NFIL3: variants seen among roughly 807,000 people sequenced by gnomAD.
NFIL3 encodes the protein nuclear factor, interleukin 3 regulated.
NFIL3 carries 5 observed loss-of-function variants against 10.0 expected under a neutral mutation model. The ratio of observed to expected loss-of-function variants is 0.50; its 90% CI spans 0.26 to 1.06. The LOEUF is 1.06. Among genes scored for constraint, NFIL3 ranks in the 50% least tolerant of loss-of-function variants. The pLI is 0.13. For missense variants in NFIL3, 436 were observed against 547.6 expected, an observed-to-expected ratio of 0.80 and a Z score of 2.03; for synonymous variants, 202 against 206.5, an observed-to-expected ratio of 0.98 and a Z score of 0.19.
chr9:91,466,723 G>A, the NFIL3 span, among the ~76,000 whole-genome samples: 1 of 152,148 alleles, frequency 6.6e-6, no homozygotes, highest in African/African-American at 2.4e-5. Context: ...GCAGAAGTAT[G>A]ACATTGTTAT....
the NFIL3 span, among the ~76,000 whole-genome samples, chr9:91,466,821 T>C: frequency 5.9e-5 from 9 of 152,186 alleles, no homozygotes; most frequent in Admixed American, 3.3e-4. Context: ...GTTAATGTTA[T>C]GCGTCAACTT....
At chr9:91,472,321 C>G in the NFIL3 span, among the ~76,000 whole-genome samples, 4 of 152,166 alleles carry the variant, frequency 2.6e-5, no homozygotes, top group Non-Finnish European at 5.9e-5. Context: ...TTCCATTCTC[C>G]CCATCACTTT....
chr9:91,450,659 A>G, the NFIL3 span, among the ~76,000 whole-genome samples: 1 of 152,108 alleles, frequency 6.6e-6, no homozygotes, highest in Non-Finnish European at 1.5e-5. Flanking sequence ...ATGTGCACTT[A>G]AGAAGAATGT....
chr9:91,448,349 C>T, the NFIL3 span, among the ~76,000 whole-genome samples: 4 of 152,104 alleles, frequency 2.6e-5, no homozygotes, highest in East Asian at 5.8e-4. Flanking sequence ...CCATCCATGA[C>T]AGAAAGCAGA....
At chr9:91,422,199 G>A (rs1057118740) in intron 1 of NFIL3, among the ~76,000 whole-genome samples, 4 of 152,186 alleles carry the variant, frequency 2.6e-5, no homozygotes, top group African/African-American at 9.7e-5. Context: ...ACCGGGCGCT[G>A]CGAAATGCCT....
chr9:91,462,739 C>A, the NFIL3 span, among the ~76,000 whole-genome samples: 1 of 142,484 alleles, frequency 7.0e-6, no homozygotes, highest in African/African-American at 2.6e-5. Flanking sequence ...CTCTGTGCTT[C>A]TATTTTCTGG....
At chr9:91,413,480 A>C (rs1344628366) in intron 1 of NFIL3, among the ~76,000 whole-genome samples, 1 of 152,086 alleles carries the variant, frequency 6.6e-6, no homozygotes, top group Non-Finnish European at 1.5e-5. Context: ...TGAACTCCTG[A>C]TCTCAGGTGA....
chr9:91,419,174 T>A (rs1474958742), intron 1 of NFIL3, among the ~76,000 whole-genome samples: 1 of 152,214 alleles, frequency 6.6e-6, no homozygotes, highest in African/African-American at 2.4e-5. Flanking sequence ...GAATCCCAAG[T>A]GTGCTCTCAT....
At chr9:91,459,004 A>G in the NFIL3 span, among the ~76,000 whole-genome samples, 2 of 152,202 alleles carry the variant, frequency 1.3e-5, no homozygotes, top group East Asian at 3.8e-4. Flanking sequence ...CCTTATTTGC[A>G]TAAGGTGCGA....
chr9:91,452,086 G>A, the NFIL3 span, among the ~76,000 whole-genome samples: 2 of 152,244 alleles, frequency 1.3e-5, no homozygotes, highest in African/African-American at 4.8e-5. Context: ...GGCTGTGATG[G>A]GAAGGGTTGT....
chr9:91,439,864 C>T, the NFIL3 span, among the ~76,000 whole-genome samples: 11 of 152,076 alleles, frequency 7.2e-5, no homozygotes, highest in African/African-American at 2.4e-4. Flanking sequence ...AAATAAATCT[C>T]ACTTGGTCAT....
intron 1 of NFIL3, among the ~76,000 whole-genome samples, chr9:91,413,559 T>C (rs1420664900): frequency 2.0e-5 from 3 of 152,132 alleles, no homozygotes; most frequent in Non-Finnish European, 4.4e-5. Flanking sequence ...CCAACAATAC[T>C]ATTTCCTCTA....
In NFIL3 at chr9:91,409,551, G is replaced by A. The variant is rs747568975; in HGVS notation, c.1184C>T (p.Ser395Leu). 15 of 1,613,860 alleles carry A rather than the reference G, an allele frequency of 9.3e-6. No homozygotes were observed. The highest frequency in any genetic ancestry group is 6.6e-5 in the South Asian group (6 of 91,050). The change falls in exon 2 of 2, where the codon TCG becomes TTG. Residue 395 changes from serine to leucine, a missense_variant. Physicochemically the swap from Ser to Leu is moderately radical, Grantham distance 145 (BLOSUM62 -2). Transcript: ENST00000297689. The stretch of plus-strand genomic sequence containing the variant: ...CAGTTCTTTTTGATGCCAGTGCTCC[G>A]ATTTGAGAGACCAATCTTGAATGTT... Reference protein sequence around the residue: ...VTNIQDWSLKSEHWHQKELSG... With the variant: ...VTNIQDWSLKLEHWHQKELSG...
the NFIL3 span, among the ~76,000 whole-genome samples, chr9:91,476,435 T>C: frequency 1.3e-5 from 2 of 152,090 alleles, no homozygotes; most frequent in African/African-American, 4.8e-5. Flanking sequence ...TAGCTGGGTG[T>C]GGTGGCACGC....
chr9:91,456,961 C>T, the NFIL3 span, among the ~76,000 whole-genome samples: 30 of 151,928 alleles, frequency 2.0e-4, no homozygotes, highest in African/African-American at 7.0e-4. Context: ...ATCCAAGTGT[C>T]CCAGCACTGT....
the NFIL3 span, among the ~76,000 whole-genome samples, chr9:91,468,909 G>A: frequency 6.6e-6 from 1 of 152,046 alleles, no homozygotes; most frequent in Admixed American, 6.6e-5. Flanking sequence ...CTCTGTTTTG[G>A]TACCAGTACC....
In NFIL3 at chr9:91,409,611, T is replaced by C. The variant is rs748508094; in HGVS notation, c.1124A>G (p.His375Arg). 1.9e-6 allele frequency: 3 copies of C among 1,614,272 alleles called. No individual in the cohort carries two copies. Among genetic ancestry groups the C allele is most frequent in the East Asian group, 2.2e-5 (1 of 44,890 alleles). Reference protein sequence around the residue: ...LEKHSAPSMVHSSLTPFSVQV... With the variant: ...LEKHSAPSMVRSSLTPFSVQV... ...CACTGAGAAAGGAGTAAGAGAAGAATGTACCATACTTGGGGCACTATGCTT... is the reference window on the plus strand; with the variant it reads ...CACTGAGAAAGGAGTAAGAGAAGAACGTACCATACTTGGGGCACTATGCTT... The change falls in exon 2 of 2, where the codon CAT (histidine) becomes CGT (arginine). Residue 375 changes from histidine to arginine, a missense_variant. His to Arg is a conservative substitution (Grantham distance 29, BLOSUM62 0). Around this residue, in one of 3 missense-constraint regions of NFIL3, gnomAD observed 338 missense variants for 399.9 expected, o/e 0.85. Transcript: ENST00000297689.
chr9:91,438,190 A>T, the NFIL3 span, among the ~76,000 whole-genome samples: 1 of 152,120 alleles, frequency 6.6e-6, no homozygotes, highest in Admixed American at 6.5e-5. Flanking sequence ...TTGACTTTTA[A>T]ATAATAGCCA....
the NFIL3 span, among the ~76,000 whole-genome samples, chr9:91,459,060 C>T: frequency 6.6e-6 from 1 of 152,160 alleles, no homozygotes; most frequent in Non-Finnish European, 1.5e-5. Context: ...GGTGTGAATT[C>T]CTGACAGTTC....
Sources: allele counts gnomAD v4.1 joint callset (sites outside exome capture counted in the v4.1 genomes callset), GRCh38; gene constraint gnomAD v4.1.1; regional missense constraint gnomAD v4.1.1; transcripts MANE v1.5; gene names NCBI Gene and HGNC (gene_info 2026-07-23, HGNC 2026-07-21).